TRHDE: variants seen among roughly 807,000 people sequenced by gnomAD.
The protein encoded by TRHDE is thyrotropin releasing hormone degrading enzyme, also known as thyrotropin-releasing hormone-degrading ectoenzyme.
TRHDE carries 72 observed loss-of-function variants against 125.7 expected under a neutral mutation model. That is an observed-to-expected ratio of 0.57 (90% CI 0.47 to 0.70). TRHDE has a LOEUF of 0.70. Among genes scored for constraint, TRHDE ranks in the 30% least tolerant of loss-of-function variants. The pLI is 0.00. For synonymous variants in TRHDE, 509 were observed against 509.1 expected, an observed-to-expected ratio of 1.00 and a Z score of 0.00; for missense variants, 1,110 against 1,327.1, an observed-to-expected ratio of 0.84 and a Z score of 2.54.
chr12:72,600,761 T>C (rs1211847624), intron 12 of TRHDE, among the ~76,000 whole-genome samples: 1 of 152,060 alleles, frequency 6.6e-6, no homozygotes, highest in Non-Finnish European at 1.5e-5. Flanking sequence ...AAAGCTTGGA[T>C]GACAACACAT....
At chr12:72,289,142 T>G (rs1879997409) in intron 2 of TRHDE, among the ~76,000 whole-genome samples, 1 of 152,150 alleles carries the variant, frequency 6.6e-6, no homozygotes, top group South Asian at 2.1e-4. Context: ...AGTGGAAGTT[T>G]AGCTTTAGAA....
chr12:72,621,082 CTTTA>C, intron 13 of TRHDE, 22 bp from the exon 14 acceptor site: 1 of 1,346,240 alleles, frequency 7.4e-7, no homozygotes, highest in Non-Finnish European at 1.1e-6. Flanking sequence ...CTGACCTTAT[CTTTA>C]TTTATTCTAT....
At chr12:72,319,627 A>G (rs1313776851) in intron 2 of TRHDE, among the ~76,000 whole-genome samples, 1 of 152,182 alleles carries the variant, frequency 6.6e-6, no homozygotes, top group Non-Finnish European at 1.5e-5. Context: ...TCTGGCCATC[A>G]GATTTTCTGA....
chr12:72,116,794 CTGA>C (rs1401064561), intron 2 of TRHDE, among the ~76,000 whole-genome samples: 1 of 152,092 alleles, frequency 6.6e-6, no homozygotes, highest in Non-Finnish European at 1.5e-5. Context: ...CCTGTTCACT[CTGA>C]TGATAGTTTC....
intron 12 of TRHDE, among the ~76,000 whole-genome samples, chr12:72,605,758 T>A (rs1187613195): frequency 1.3e-4 from 20 of 152,210 alleles, no homozygotes; most frequent in Non-Finnish European, 2.9e-5. Flanking sequence ...TGAGAGAAGG[T>A]GAAAATGCAT....
chr12:72,509,277 C>CG (rs1878487053), intron 6 of TRHDE, among the ~76,000 whole-genome samples: 1 of 151,942 alleles, frequency 6.6e-6, no homozygotes, highest in African/African-American at 2.4e-5. Context: ...ACCGCACCCC[C>CG]CCGCACACAC....
chr12:72,409,358 T>G (rs975790161), intron 3 of TRHDE, among the ~76,000 whole-genome samples: 1 of 152,230 alleles, frequency 6.6e-6, no homozygotes, highest in Non-Finnish European at 1.5e-5. Context: ...ACAGGTACTA[T>G]CTAATAGAAA....
intron 12 of TRHDE, among the ~76,000 whole-genome samples, chr12:72,612,819 C>A (rs987532293): frequency 6.6e-6 from 1 of 152,116 alleles, no homozygotes; most frequent in Non-Finnish European, 1.5e-5. Context: ...TAACTGACAT[C>A]TATTAATTCT....
intron 2 of TRHDE, among the ~76,000 whole-genome samples, chr12:72,245,729 G>T (rs1878563608): frequency 6.6e-6 from 1 of 151,922 alleles, no homozygotes; most frequent in South Asian, 2.1e-4. Context: ...GAGTTTATAT[G>T]TGCATATATG....
intron 2 of TRHDE, among the ~76,000 whole-genome samples, chr12:72,217,239 T>C (rs996446929): frequency 2.6e-5 from 4 of 152,180 alleles, no homozygotes; most frequent in African/African-American, 9.7e-5. Context: ...TGAACTTTGA[T>C]TGTTCCATTC....
At chr12:72,495,565 A>G (rs553863803) in intron 5 of TRHDE, among the ~76,000 whole-genome samples, 1 of 152,196 alleles carries the variant, frequency 6.6e-6, no homozygotes, top group East Asian at 1.9e-4. Context: ...TCTGTGTTTT[A>G]TAGCATCCAT....
chr12:72,390,355 GCC>G (rs994383539), intron 3 of TRHDE, among the ~76,000 whole-genome samples: 1 of 152,078 alleles, frequency 6.6e-6, no homozygotes, highest in Non-Finnish European at 1.5e-5. Flanking sequence ...GCAATCCAAA[GCC>G]CCAGAGAAAG....
At position 72,617,232 on chromosome 12, in the gene TRHDE, G is replaced by A. The variant is rs980494910; in HGVS notation, c.2322-1659G>A. ...AATCTGAAGTTTGCTCACTATTTATGTGAAATATGAACCTGTGGTTGATCT... is the reference window on the plus strand; with the variant it reads ...AATCTGAAGTTTGCTCACTATTTATATGAAATATGAACCTGTGGTTGATCT... On this transcript the variant is annotated intron_variant, in intron 12 of 18. Transcript: ENST00000261180. Among the ~76,000 whole-genome samples, 10 of 152,104 alleles carry A rather than the reference G, an allele frequency of 6.6e-5. No homozygotes were observed. In the South Asian group the frequency reaches 8.3e-4, roughly 13 times the overall value.
At chr12:72,361,015 G>T (rs764059494) in intron 2 of TRHDE, among the ~76,000 whole-genome samples, 3 of 151,414 alleles carry the variant, frequency 2.0e-5, no homozygotes, top group African/African-American at 4.8e-5. Flanking sequence ...AGTGTGTATT[G>T]TTCCCTCCCT....
chr12:72,323,695 C>T lies in TRHDE; in HGVS notation c.1188+36741C>T, dbSNP rs951602872. Among the ~76,000 whole-genome samples, 68 of 152,176 alleles carry T rather than the reference C, an allele frequency of 4.5e-4. 1 individual carries two copies. The highest frequency in any genetic ancestry group is 1.4e-3 in the African/African-American group (59 of 41,532). ...GTGAACGGAGCCTATCCAATTTCCT[C>T]TTAGCAAATTTGAACTAGGAAATAG... On this transcript the variant is annotated intron_variant, in intron 2 of 18. Coordinates refer to ENST00000261180, the MANE Select transcript of TRHDE (RefSeq NM_013381.3).
At chr12:72,658,408 C>T (rs1212843120) in intron 18 of TRHDE, among the ~76,000 whole-genome samples, 4 of 151,874 alleles carry the variant, frequency 2.6e-5, no homozygotes, top group Admixed American at 2.6e-4. Context: ...AAAATCTCTC[C>T]CTCTTCTCTT....
At chr12:72,506,245 A>C (rs533447828) in intron 6 of TRHDE, among the ~76,000 whole-genome samples, 8 of 152,270 alleles carry the variant, frequency 5.3e-5, no homozygotes, top group African/African-American at 1.9e-4. Flanking sequence ...TGGGAGTTAG[A>C]GGCTACAGTG....
chr12:72,193,653 T>G (rs532341192), intron 2 of TRHDE, among the ~76,000 whole-genome samples: 1 of 152,234 alleles, frequency 6.6e-6, no homozygotes, highest in African/African-American at 2.4e-5. Context: ...TGTTAGATGG[T>G]TTCACATCAG....
intron 2 of TRHDE, among the ~76,000 whole-genome samples, chr12:72,156,060 G>A (rs976367904): frequency 6.6e-6 from 1 of 152,192 alleles, no homozygotes; most frequent in African/African-American, 2.4e-5. Flanking sequence ...GAGCTTCCAG[G>A]CTGCTTTGTT....
Sources: allele counts gnomAD v4.1 joint callset (sites outside exome capture counted in the v4.1 genomes callset), GRCh38; gene constraint gnomAD v4.1.1; transcripts MANE v1.5; gene names NCBI Gene and HGNC (gene_info 2026-07-23, HGNC 2026-07-21).